FZD7: variants seen among roughly 807,000 people sequenced by gnomAD.
The protein encoded by FZD7 is frizzled class receptor 7.
A neutral mutation model predicts 39.0 loss-of-function variants in FZD7; 21 were observed. That is an observed-to-expected ratio of 0.54 (90% CI 0.38 to 0.78). The LOEUF (loss-of-function observed/expected upper bound fraction) is 0.78, where lower values mean the gene tolerates loss of function less well. Ranked by LOEUF, FZD7 falls within the 30% of genes least tolerant of loss-of-function variation. The pLI, the probability that FZD7 is intolerant of heterozygous loss-of-function variation, is 0.00. For synonymous variants in FZD7, 428 were observed against 364.9 expected (o/e 1.17, Z -1.97); for missense variants, 695 against 805.0 (o/e 0.86, Z 1.65).
At position 202,034,213 on chromosome 2, in the gene FZD7, C is replaced by G. The variant is rs1373037423; in HGVS notation, c.-435C>G. The stretch of plus-strand genomic sequence containing the variant: ...GGCGGCGGCCGGGGCGAGCGAGCGG[C>G]GGCGGCAGGGGTTCTCCTAGCGGGG... On this transcript the variant is annotated 5_prime_UTR_variant, in exon 1 of 1. Coordinates refer to ENST00000286201, the MANE Select transcript of FZD7 (RefSeq NM_003507.2). Among the ~76,000 whole-genome samples, 1 of 151,872 alleles carries G rather than the reference C, an allele frequency of 6.6e-6. No individual in the cohort carries two copies. The highest frequency in any genetic ancestry group is 2.4e-5 in the African/African-American group (1 of 41,396).
Position 202,034,944 on chromosome 2 carries a change from C to T in FZD7, c.297C>T (p.Arg99=), listed in dbSNP as rs774638184. 25 of 1,614,092 alleles carry T rather than the reference C, an allele frequency of 1.5e-5. No individual in the cohort carries two copies. In the South Asian group the frequency reaches 1.9e-4, roughly 12 times the overall value. ...LVKVQCSPEL[R]FFLCSMYAPV... ...AGGTGCAGTGTTCTCCCGAACTCCG[C>T]TTTTTCTTATGCTCCATGTATGCGC... Residue 99 remains arginine (R), a synonymous_variant, in exon 1 of 1, where the codon CGC becomes CGT. Transcript: ENST00000286201.
At position 202,034,582 on chromosome 2, in the gene FZD7, C is replaced by T; in HGVS notation, c.-66C>T. On this transcript the variant is annotated 5_prime_UTR_variant, in exon 1 of 1. Coordinates refer to ENST00000286201, the MANE Select transcript of FZD7 (RefSeq NM_003507.2). ...GGGCGCGGCGGCGCCTCCCCGCATCCAAGCCTCTCCCAACCGCCTCGTCGC... is the reference window on the plus strand; with the variant it reads ...GGGCGCGGCGGCGCCTCCCCGCATCTAAGCCTCTCCCAACCGCCTCGTCGC... 1 of 1,384,388 alleles carries T rather than the reference C, an allele frequency of 7.2e-7. No homozygotes were observed. The highest frequency in any genetic ancestry group is 9.6e-7 in the Non-Finnish European group (1 of 1,042,998). 85.8% of individuals were successfully genotyped at this position (1,384,388 alleles called of 1,614,324 possible). A position where few individuals can be genotyped will look rare whatever the true frequency, so the allele number is the denominator to read the frequency against.
rs1688734950 is a variant in FZD7 at position 202,036,009 on chromosome 2, G to T, written c.1362G>T (p.Met454Ile). The T allele has an allele frequency of 6.2e-7, 1 of 1,614,086 alleles. No individual in the cohort carries two copies. Among genetic ancestry groups the T allele is most frequent in the African/African-American group, 1.3e-5 (1 of 74,938 alleles). Residue 454 changes from methionine (M) to isoleucine (I), a missense_variant, in exon 1 of 1, where the codon ATG becomes ATT. Met to Ile is a conservative substitution (Grantham distance 10). Transcript: ENST00000286201. The stretch of plus-strand genomic sequence containing the variant: ...CCCTCTTCCGTATCCGCACCATCAT[G>T]AAACACGACGGCACCAAGACCGAGA... ...FVSLFRIRTI[M>I]KHDGTKTEKL... is the part of the protein sequence containing the mutation.
In FZD7 at chr2:202,034,770, C is replaced by G; in HGVS notation, c.123C>G (p.Ile41Met). The G allele has an allele frequency of 6.2e-7, 1 of 1,612,750 alleles. No individual in the cohort carries two copies. Among genetic ancestry groups the G allele is most frequent in the Non-Finnish European group, 8.5e-7 (1 of 1,179,980 alleles). Residue 41 changes from isoleucine (I) to methionine (M), a missense_variant, in exon 1 of 1, where the codon ATC becomes ATG. By Grantham distance (10) the Ile-to-Met change is conservative (BLOSUM62 1). Coordinates refer to ENST00000286201, the MANE Select transcript of FZD7 (RefSeq NM_003507.2). ...GAQPYHGEKGISVPDHGFCQP... is the reference protein window; with the variant it reads ...GAQPYHGEKGMSVPDHGFCQP... ...AGCCGTACCACGGAGAGAAGGGCAT[C>G]TCCGTGCCGGACCACGGCTTCTGCC...
rs1688780689 is a variant in FZD7 at position 202,038,408 on chromosome 2, T to C, written c.*2036T>C. On this transcript the variant is annotated 3_prime_UTR_variant, in exon 1 of 1. Transcript: ENST00000286201. ...AAGGTCTACCCCACTTTATCACATG[T>C]ACAGATCACAAATAAATTTTTTTAA... The C allele has an allele frequency of 6.2e-6, 1 of 161,790 alleles. No homozygotes were observed. The highest frequency in any genetic ancestry group is 1.9e-4 in the East Asian group (1 of 5,206). The allele number at this position is 161,790 out of a possible 1,614,324, so 10.0% of individuals were successfully genotyped here.
Position 202,034,773 on chromosome 2 carries a change from C to T in FZD7, c.126C>T (p.Ser42=). The change falls in exon 1 of 1, where the codon TCC becomes TCT. Residue 42 remains serine (S), a synonymous_variant. Coordinates refer to ENST00000286201, the MANE Select transcript of FZD7 (RefSeq NM_003507.2). The part of the protein sequence containing the change: ...AQPYHGEKGI[S]VPDHGFCQPI... ...CGTACCACGGAGAGAAGGGCATCTC[C>T]GTGCCGGACCACGGCTTCTGCCAGC... 1.2e-6 allele frequency: 2 copies of T among 1,612,762 alleles called. No individual in the cohort carries two copies. Among genetic ancestry groups the T allele is most frequent in the Non-Finnish European group, 1.7e-6 (2 of 1,179,990 alleles).
In FZD7 at chr2:202,033,969, G is replaced by A. The variant is rs1688687396; in HGVS notation, c.-679G>A. On this transcript the variant is annotated 5_prime_UTR_variant, in exon 1 of 1. Transcript: ENST00000286201. ...GGCCGGGGCCAGGCCGCGGGCACGA[G>A]CGCCTCGCGGTTTCGGACGCAGTGT... Among the ~76,000 whole-genome samples the A allele has an allele frequency of 1.3e-5, 2 of 151,398 alleles. No individual in the cohort carries two copies. The highest frequency in any genetic ancestry group is 2.1e-4 in the South Asian group (1 of 4,822).
At position 202,035,839 on chromosome 2, in the gene FZD7, G is replaced by A. The variant is rs1688731824; in HGVS notation, c.1192G>A (p.Ala398Thr). Residue 398 changes from alanine to threonine, a missense_variant, in exon 1 of 1, where the codon GCC becomes ACC. By Grantham distance (58) the Ala-to-Thr change is moderately conservative. Coordinates refer to ENST00000286201, the MANE Select transcript of FZD7 (RefSeq NM_003507.2). ...VPAVKTITILAMGQVDGDLLS... is the reference protein window; with the variant it reads ...VPAVKTITILTMGQVDGDLLS... ...CGCCGTCAAGACCATCACTATCCTG[G>A]CCATGGGCCAGGTAGACGGGGACCT... 6.2e-7 allele frequency: 1 copy of A among 1,613,980 alleles called. No homozygotes were observed. Among genetic ancestry groups the A allele is most frequent in the Admixed American group, 1.7e-5 (1 of 60,012 alleles).
In FZD7 at chr2:202,036,574, T is replaced by G; in HGVS notation, c.*202T>G. 1 of 583,134 alleles carries G rather than the reference T, an allele frequency of 1.7e-6. No individual in the cohort carries two copies. The highest frequency in any genetic ancestry group is 3.1e-6 in the Non-Finnish European group (1 of 321,550). 36.1% of individuals were successfully genotyped at this position (583,134 alleles called of 1,614,324 possible). A position where few individuals can be genotyped will look rare whatever the true frequency, so the allele number is the denominator to read the frequency against. On this transcript the variant is annotated 3_prime_UTR_variant, in exon 1 of 1. Coordinates refer to ENST00000286201, the MANE Select transcript of FZD7 (RefSeq NM_003507.2). ...AGACCTGGGTGGAAAGCGGTTTGGA[T>G]GAAAAGATTTCAGGCAAAGACTTGC...
chr2:202,035,033 A>C lies in FZD7; in HGVS notation c.386A>C (p.Gln129Pro). The C allele has an allele frequency of 6.2e-7, 1 of 1,613,272 alleles. No homozygotes were observed. The highest frequency in any genetic ancestry group is 8.5e-7 in the Non-Finnish European group (1 of 1,179,892). Residue 129 changes from glutamine to proline, a missense_variant, in exon 1 of 1, where the codon CAG becomes CCG. Gln to Pro is a moderately conservative substitution (Grantham distance 76). Coordinates refer to ENST00000286201, the MANE Select transcript of FZD7 (RefSeq NM_003507.2). The stretch of plus-strand genomic sequence containing the variant: ...CGTTCTCTGTGCGAGCGCGCCCGCC[A>C]GGGCTGCGAGGCGCTCATGAACAAG... ...PCRSLCERAR[Q>P]GCEALMNKFG... is the part of the protein sequence containing the mutation.
chr2:202,034,900 C>T lies in FZD7; in HGVS notation c.253C>T (p.Gln85Ter). 6.2e-7 allele frequency: 1 copy of T among 1,614,216 alleles called. No homozygotes were observed. Among genetic ancestry groups the T allele is most frequent in the Non-Finnish European group, 8.5e-7 (1 of 1,180,020 alleles). ...AGAGGACGCGGGCCTCGAGGTGCAC[C>T]AGTTCTACCCGCTGGTGAAGGTGCA... Reference protein sequence around the residue: ...NQEDAGLEVHQFYPLVKVQCS... With the variant: ...NQEDAGLEVH Residue 85 changes from glutamine (Q) to a stop codon, truncating the protein, a stop_gained, in exon 1 of 1, where the codon CAG (glutamine) becomes TAG (stop). Transcript: ENST00000286201. LOFTEE classifies it high-confidence loss of function.
At position 202,036,404 on chromosome 2, in the gene FZD7, G is replaced by C. The variant is rs771841493; in HGVS notation, c.*32G>C. On this transcript the variant is annotated 3_prime_UTR_variant, in exon 1 of 1. Coordinates refer to ENST00000286201, the MANE Select transcript of FZD7 (RefSeq NM_003507.2). ...GCCCCTCCCCACCTTTCCCACCCCAGCCCTCTTGCAAGAGGAGAGGCACGG... is the reference window on the plus strand; with the variant it reads ...GCCCCTCCCCACCTTTCCCACCCCACCCCTCTTGCAAGAGGAGAGGCACGG... 1.3e-6 allele frequency: 2 copies of C among 1,544,588 alleles called. No individual in the cohort carries two copies. Among genetic ancestry groups the C allele is most frequent in the Non-Finnish European group, 1.8e-6 (2 of 1,131,416 alleles).
Position 202,034,702 on chromosome 2 carries a change from G to A in FZD7, c.55G>A (p.Val19Met). Residue 19 changes from valine to methionine, a missense_variant, in exon 1 of 1, where the codon GTG (valine) becomes ATG (methionine). Coordinates refer to ENST00000286201, the MANE Select transcript of FZD7 (RefSeq NM_003507.2). ...PLSSLGLCALVLALLGALSAG... is the reference protein window; with the variant it reads ...PLSSLGLCALMLALLGALSAG... Reference sequence around the variant, plus strand: ...TTCGTCCCTGGGCCTCTGTGCCCTGGTGCTGGCGCTGCTGGGCGCACTGTC... The same window carrying A: ...TTCGTCCCTGGGCCTCTGTGCCCTGATGCTGGCGCTGCTGGGCGCACTGTC... 1.2e-6 allele frequency: 2 copies of A among 1,609,810 alleles called. No homozygotes were observed. Among genetic ancestry groups the A allele is most frequent in the Admixed American group, 1.7e-5 (1 of 59,958 alleles).
chr2:202,034,779 G>A lies in FZD7; in HGVS notation c.132G>A (p.Pro44=). 6.2e-7 allele frequency: 1 copy of A among 1,612,852 alleles called. No individual in the cohort carries two copies. The highest frequency in any genetic ancestry group is 1.1e-5 in the South Asian group (1 of 91,016). The change falls in exon 1 of 1, where the codon CCG becomes CCA. Residue 44 remains proline (P), a synonymous_variant. Coordinates refer to ENST00000286201, the MANE Select transcript of FZD7 (RefSeq NM_003507.2). The part of the protein sequence containing the change: ...PYHGEKGISV[P]DHGFCQPISI... ...ACGGAGAGAAGGGCATCTCCGTGCCGGACCACGGCTTCTGCCAGCCCATCT... is the reference window on the plus strand; with the variant it reads ...ACGGAGAGAAGGGCATCTCCGTGCCAGACCACGGCTTCTGCCAGCCCATCT...
Position 202,036,725 on chromosome 2 carries a change from G to A in FZD7, c.*353G>A. ...GGCTCCGAGGCTGAACGGGGACTGTGAGCGATCCCCCTGCTGCAGGGCGAG... is the reference window on the plus strand; with the variant it reads ...GGCTCCGAGGCTGAACGGGGACTGTAAGCGATCCCCCTGCTGCAGGGCGAG... On this transcript the variant is annotated 3_prime_UTR_variant, in exon 1 of 1. Coordinates refer to ENST00000286201, the MANE Select transcript of FZD7 (RefSeq NM_003507.2). 2 of 298,248 alleles carry A rather than the reference G, an allele frequency of 6.7e-6. No homozygotes were observed. The highest frequency in any genetic ancestry group is 1.3e-5 in the Non-Finnish European group (2 of 148,580). The allele number at this position is 298,248 out of a possible 1,614,324, so 18.5% of individuals were successfully genotyped here.
chr2:202,036,083 CA>C lies in FZD7; in HGVS notation c.1437del (p.Val480CysfsTer44). On this transcript the variant is annotated frameshift_variant, in exon 1 of 1. Coordinates refer to ENST00000286201, the MANE Select transcript of FZD7 (RefSeq NM_003507.2). LOFTEE classifies it high-confidence loss of function. ...VRIGVFSVLY[T>X]VPATIVLACY... ...ATCGGCGTCTTCAGCGTGCTCTACA[CA>C]GTGCCCGCCACCATCGTCCTGGCCT... The C allele has an allele frequency of 6.2e-7, 1 of 1,614,058 alleles. No homozygotes were observed. The highest frequency in any genetic ancestry group is 8.5e-7 in the Non-Finnish European group (1 of 1,180,042).
In FZD7 at chr2:202,038,217, C is replaced by G. The variant is rs1688778422; in HGVS notation, c.*1845C>G. On this transcript the variant is annotated 3_prime_UTR_variant, in exon 1 of 1. Transcript: ENST00000286201. Reference sequence around the variant, plus strand: ...TCTCATCTGTCAGATTTTTAAAACTCCAACACAGGTTTTGGCATCTTTTGT... The same window carrying G: ...TCTCATCTGTCAGATTTTTAAAACTGCAACACAGGTTTTGGCATCTTTTGT... 1 of 167,036 alleles carries G rather than the reference C, an allele frequency of 6.0e-6. No homozygotes were observed. Among genetic ancestry groups the G allele is most frequent in the Non-Finnish European group, 1.5e-5 (1 of 68,124 alleles). The allele number at this position is 167,036 out of a possible 1,614,324, so 10.3% of individuals were successfully genotyped here.
In FZD7 at chr2:202,035,100, C is replaced by G. The variant is rs148308831; in HGVS notation, c.453C>G (p.Phe151Leu). ...QWPERLRCENFPVHGAGEICV... is the reference protein window; with the variant it reads ...QWPERLRCENLPVHGAGEICV... The stretch of plus-strand genomic sequence containing the variant: ...CCGAGCGGCTGCGCTGCGAGAACTT[C>G]CCGGTGCACGGTGCGGGCGAGATCT... The change falls in exon 1 of 1, where the codon TTC becomes TTG. Residue 151 changes from phenylalanine (F) to leucine (L), a missense_variant. Coordinates refer to ENST00000286201, the MANE Select transcript of FZD7 (RefSeq NM_003507.2). The G allele has an allele frequency of 1.9e-6, 3 of 1,608,928 alleles. No homozygotes were observed. The highest frequency in any genetic ancestry group is 2.5e-6 in the Non-Finnish European group (3 of 1,179,626).
At position 202,035,270 on chromosome 2, in the gene FZD7, T is replaced by A. The variant is rs757723607; in HGVS notation, c.623T>A (p.Phe208Tyr). Residue 208 changes from phenylalanine to tyrosine, a missense_variant, in exon 1 of 1, where the codon TTC becomes TAC. Phe to Tyr is a conservative substitution (Grantham distance 22). Transcript: ENST00000286201. ...GGCAGGGGGCGTCCCGCCTTCCCCTTCTCATGCCCCCGTCAGCTCAAGGTG... is the reference window on the plus strand; with the variant it reads ...GGCAGGGGGCGTCCCGCCTTCCCCTACTCATGCCCCCGTCAGCTCAAGGTG... Reference protein sequence around the residue: ...SDGRGRPAFPFSCPRQLKVPP... With the variant: ...SDGRGRPAFPYSCPRQLKVPP... The A allele has an allele frequency of 3.1e-6, 5 of 1,604,996 alleles. No individual in the cohort carries two copies. Among genetic ancestry groups the A allele is most frequent in the Non-Finnish European group, 4.2e-6 (5 of 1,179,212 alleles).
Sources: allele counts gnomAD v4.1 joint callset (sites outside exome capture counted in the v4.1 genomes callset), GRCh38; gene constraint gnomAD v4.1.1; transcripts MANE v1.5; gene names NCBI Gene and HGNC (gene_info 2026-07-23, HGNC 2026-07-21).